EML5: variants seen among roughly 807,000 people sequenced by gnomAD.
EML5 encodes echinoderm microtubule-associated protein-like 5.
In EML5, 120 loss-of-function variants were observed where a neutral mutation model predicts 250.0. The observed-to-expected ratio is 0.48, with a 90% CI of 0.41 to 0.56. EML5 has a LOEUF of 0.56. Ranked by LOEUF, EML5 falls within the 20% of genes least tolerant of loss-of-function variation. The pLI is 0.00. For missense variants in EML5, 2,006 were observed against 2,437.6 expected (o/e 0.82, Z 3.73); for synonymous variants, 771 against 806.5 (o/e 0.96, Z 0.75).
chr14:88,755,148 T>C (rs1420332683), intron 1 of EML5, among the ~76,000 whole-genome samples: 1 of 152,234 alleles, frequency 6.6e-6, no homozygotes, highest in Non-Finnish European at 1.5e-5. Flanking sequence ...AAATCCATGC[T>C]AACAGTTACT....
chr14:88,673,288 T>C (rs113826299), intron 21 of EML5, among the ~76,000 whole-genome samples: 10 of 152,266 alleles, frequency 6.6e-5, no homozygotes, highest in African/African-American at 2.2e-4. Flanking sequence ...ACAAAGACCA[T>C]ATGATTATCT....
intron 22 of EML5, 57 bp from the exon 23 acceptor site, chr14:88,664,681 C>T (rs2092253655): frequency 4.5e-6 from 7 of 1,540,056 alleles, no homozygotes; most frequent in African/African-American, 2.8e-5. Flanking sequence ...CTTTTTTACA[C>T]TCTGCAACTA....
chr14:88,645,975 T>C (rs1283723721), intron 29 of EML5, among the ~76,000 whole-genome samples: 1 of 152,196 alleles, frequency 6.6e-6, no homozygotes, highest in African/African-American at 2.4e-5. Flanking sequence ...TTTTAAAAAA[T>C]GCAATTTAGT....
chr14:88,712,447 C>T lies in EML5; in HGVS notation c.1481G>A (p.Gly494Asp), dbSNP rs148839015. 6 of 1,613,484 alleles carry T rather than the reference C, an allele frequency of 3.7e-6. No individual in the cohort carries two copies. The Admixed American group carries it at 6.7e-5, about 18-fold the overall frequency. The change falls in exon 10 of 44, where the codon GGT becomes GAT. Residue 494 changes from glycine (G) to aspartate (D), a missense_variant. By Grantham distance (94) the Gly-to-Asp change is moderately conservative. Around this residue, in one of 7 missense-constraint regions of EML5, gnomAD observed 1,375 missense variants for 1,590.3 expected, o/e 0.86. Transcript: ENST00000554922. ...KEVTSTEEIK[G>D]VHWASWTCVS... The stretch of plus-strand genomic sequence containing the variant: ...ACATGTCCATGAAGCCCAATGAACA[C>T]CTTTTATTTCTTCTGTACTTGTCAC...
chr14:88,661,944 T>G (rs2092115591), intron 24 of EML5, 114 bp from the exon 25 acceptor site: 3 of 985,528 alleles, frequency 3.0e-6, no homozygotes, highest in Admixed American at 5.9e-5. Flanking sequence ...AATGAAAGTT[T>G]TAATGAAAAA....
intron 10 of EML5, among the ~76,000 whole-genome samples, chr14:88,708,220 T>G (rs573932534): frequency 2.0e-5 from 3 of 152,320 alleles, no homozygotes; most frequent in Non-Finnish European, 2.9e-5. Context: ...TTTAATAACT[T>G]GTTCTGATAA....
At chr14:88,724,440 T>C (rs1217411432) in intron 8 of EML5, among the ~76,000 whole-genome samples, 1 of 151,008 alleles carries the variant, frequency 6.6e-6, no homozygotes, top group African/African-American at 2.5e-5. Flanking sequence ...CATTTAATAA[T>C]CAGAATAACC....
intron 42 of EML5, 156 bp downstream of exon 42, chr14:88,616,570 T>C (rs2087653047): frequency 9.1e-6 from 7 of 766,174 alleles, no homozygotes; most frequent in Non-Finnish European, 1.4e-5. Flanking sequence ...AGGATTTGTT[T>C]CTAATAGCTT....
Position 88,754,531 on chromosome 14 carries a change from G to C in EML5, c.338C>G (p.Ala113Gly). ...DVHTHGIACL[A>G]FDLDGQRLVS... ...ACATACCTGTCCATCTAAGTCAAAC[G>C]CCAAGCAAGCTATACCATGTGTATG... Residue 113 changes from alanine to glycine, a missense_variant, in exon 2 of 44, where the codon GCG becomes GGG. Transcript: ENST00000554922. 1 of 1,603,916 alleles carries C rather than the reference G, an allele frequency of 6.2e-7. No individual in the cohort carries two copies. Among genetic ancestry groups the C allele is most frequent in the Non-Finnish European group, 8.5e-7 (1 of 1,176,576 alleles).
intron 37 of EML5, chr14:88,621,582 G>C: frequency 2.3e-6 from 1 of 444,096 alleles, no homozygotes; most frequent in Non-Finnish European, 4.0e-6. Context: ...GTTTTTATTT[G>C]ATAATCTTAG....
chr14:88,722,547 A>T (rs1224652964), intron 8 of EML5, among the ~76,000 whole-genome samples: 1 of 152,136 alleles, frequency 6.6e-6, no homozygotes, highest in Admixed American at 6.5e-5. Flanking sequence ...TCTCGTTTAT[A>T]AGTGGGAGCT....
rs2091154448 is a variant in EML5 at position 88,643,031 on chromosome 14, A to G, written c.4108-9T>C. The G allele has an allele frequency of 2.6e-6, 4 of 1,562,082 alleles. No homozygotes were observed. The highest frequency in any genetic ancestry group is 2.2e-5 in the Admixed American group (1 of 44,746). On this transcript the variant is annotated splice_polypyrimidine_tract_variant and intron_variant, in intron 30 of 43. Transcript: ENST00000554922. Reference sequence around the variant, plus strand: ...AGCTCCAACACAAGGTCCTATAATGATAATAATAAAACCATTATATTCTTC... The same window carrying G: ...AGCTCCAACACAAGGTCCTATAATGGTAATAATAAAACCATTATATTCTTC...
chr14:88,626,643 C>A, intron 35 of EML5, 195 bp downstream of exon 35: 1 of 624,374 alleles, frequency 1.6e-6, no homozygotes, highest in Non-Finnish European at 2.7e-6. Context: ...CCTTTTCCCC[C>A]TCTCATTAAC....
chr14:88,740,232 T>C (rs2093904690), intron 5 of EML5, among the ~76,000 whole-genome samples, 155 bp downstream of exon 5: 1 of 152,218 alleles, frequency 6.6e-6, no homozygotes, highest in East Asian at 1.9e-4. Context: ...GATTTCTTCA[T>C]TGAAATCTTG....
rs2094614419 is a variant in EML5 at position 88,792,067 on chromosome 14, C to G, written c.197+240G>C. On this transcript the variant is annotated intron_variant, in intron 1 of 43. Transcript: ENST00000554922. The surrounding 1 kb of genome is among the most constrained non-coding windows in gnomAD (Gnocchi z 6.9). ...GGGGACAAAGCCGTCAAACCGGGTGCCCGGTGGATCCGCGGACCTGATCTT... is the reference window on the plus strand; with the variant it reads ...GGGGACAAAGCCGTCAAACCGGGTGGCCGGTGGATCCGCGGACCTGATCTT... Among the ~76,000 whole-genome samples the G allele has an allele frequency of 6.6e-6, 1 of 152,228 alleles. No homozygotes were observed. The highest frequency in any genetic ancestry group is 1.5e-5 in the Non-Finnish European group (1 of 68,050).
At chr14:88,691,039 C>T (rs1271676828) in intron 17 of EML5, among the ~76,000 whole-genome samples, 1 of 152,200 alleles carries the variant, frequency 6.6e-6, no homozygotes, top group African/African-American at 2.4e-5. Context: ...AGCATCTGCC[C>T]AGAGTCTGGG....
At chr14:88,636,591 GT>G (rs1361202589) in intron 32 of EML5, among the ~76,000 whole-genome samples, 1 of 152,186 alleles carries the variant, frequency 6.6e-6, no homozygotes. Context: ...AACCCGGGAG[GT>G]GGGGGCTGCA....
chr14:88,703,957 T>C (rs36064771), intron 13 of EML5, among the ~76,000 whole-genome samples: 26,348 of 152,142 alleles, frequency 0.17, 2,821 homozygotes, highest in East Asian at 0.47. Flanking sequence ...AACACTTACA[T>C]AGTGCTTATT....
Position 88,739,015 on chromosome 14 carries a change from C to A in EML5, c.712-1G>T, listed in dbSNP as rs866163155. On this transcript the variant is annotated splice_acceptor_variant, in intron 5 of 43. Coordinates refer to ENST00000554922, the MANE Select transcript of EML5 (RefSeq NM_183387.3). LOFTEE classifies it high-confidence loss of function. The stretch of plus-strand genomic sequence containing the variant: ...AAGCATTCATGCTAAAAATTCCTGC[C>A]TAGAAGAGGAAATAAAATAATTTAA... The A allele has an allele frequency of 6.3e-7, 1 of 1,592,968 alleles. No homozygotes were observed. The highest frequency in any genetic ancestry group is 1.8e-5 in the Admixed American group (1 of 54,394).
Sources: allele counts gnomAD v4.1 joint callset (sites outside exome capture counted in the v4.1 genomes callset), GRCh38; gene constraint gnomAD v4.1.1; regional missense constraint gnomAD v4.1.1; non-coding constraint Gnocchi (gnomAD v3.1); transcripts MANE v1.5; gene names NCBI Gene and HGNC (gene_info 2026-07-23, HGNC 2026-07-21).